The following ULK4 variants were observed in gnomAD, a reference collection of about 807,000 sequenced individuals.
The protein encoded by ULK4 is unc-51 like kinase 4.
In ULK4, 133 loss-of-function variants were observed where a neutral mutation model predicts 160.6. That is an observed-to-expected ratio of 0.83 (90% CI 0.72 to 0.96). The LOEUF is 0.96. Ranked by LOEUF, ULK4 falls within the 40% of genes least tolerant of loss-of-function variation. ULK4 has a pLI of 0.00. For missense variants in ULK4, 1,580 were observed against 1,499.5 expected (o/e 1.05, Z -0.89); for synonymous variants, 534 against 539.8 (o/e 0.99, Z 0.15).
Position 41,477,062 on chromosome 3 carries a change from C to T in ULK4, c.3227-13809G>A, listed in dbSNP as rs1214818705. Reference sequence around the variant, plus strand: ...TTCCCAGTCCTCTGGTCAAATGCTACCACAACAATTTCTTAATATTCCATC... The same window carrying T: ...TTCCCAGTCCTCTGGTCAAATGCTATCACAACAATTTCTTAATATTCCATC... On this transcript the variant is annotated intron_variant, in intron 32 of 36. Transcript: ENST00000301831. Among the ~76,000 whole-genome samples, 4 of 152,284 alleles carry T rather than the reference C, an allele frequency of 2.6e-5. No individual in the cohort carries two copies. In the South Asian group the frequency reaches 6.2e-4, roughly 24 times the overall value.
At chr3:41,755,643 T>C (rs1048754183) in intron 21 of ULK4, among the ~76,000 whole-genome samples, 3 of 152,062 alleles carry the variant, frequency 2.0e-5, no homozygotes, top group Non-Finnish European at 4.4e-5. Context: ...ACCCCCAACA[T>C]ATACACACAT....
chr3:41,419,414 G>A (rs2082607168), intron 34 of ULK4, among the ~76,000 whole-genome samples: 1 of 152,116 alleles, frequency 6.6e-6, no homozygotes, highest in South Asian at 2.1e-4. Context: ...TCTCGTGGAG[G>A]TATTATTTAG....
chr3:41,493,260 C>G (rs1176982118), intron 32 of ULK4, among the ~76,000 whole-genome samples: 3 of 146,524 alleles, frequency 2.0e-5, no homozygotes, highest in South Asian at 2.2e-4. Context: ...AACTAGAACT[C>G]AGGATTAAGA....
chr3:41,782,099 G>A (rs192066465), intron 21 of ULK4, among the ~76,000 whole-genome samples: 2 of 151,108 alleles, frequency 1.3e-5, no homozygotes, highest in East Asian at 1.9e-4. Flanking sequence ...GGGCTGCCTC[G>A]CCATTATTCT....
At chr3:41,927,186 C>A (rs533571313) in intron 5 of ULK4, among the ~76,000 whole-genome samples, 1 of 152,228 alleles carries the variant, frequency 6.6e-6, no homozygotes, top group East Asian at 1.9e-4. Context: ...GAGTGGGGGT[C>A]AATATTCAAC....
chr3:41,389,281 T>C (rs2081896668), intron 35 of ULK4, among the ~76,000 whole-genome samples: 1 of 152,160 alleles, frequency 6.6e-6, no homozygotes, highest in Non-Finnish European at 1.5e-5. Context: ...GCTGAGACGA[T>C]GAGGTTTTCT....
chr3:41,688,758 C>T (rs2036184610), intron 27 of ULK4, among the ~76,000 whole-genome samples: 1 of 152,186 alleles, frequency 6.6e-6, no homozygotes, highest in South Asian at 2.1e-4. Flanking sequence ...GGTTTATTTA[C>T]TTTCCCATGA....
At chr3:41,282,638 C>T (rs958368698) in intron 35 of ULK4, among the ~76,000 whole-genome samples, 5 of 152,142 alleles carry the variant, frequency 3.3e-5, no homozygotes, top group African/African-American at 1.2e-4. Context: ...ACACCTTATA[C>T]AAAAATTAAC....
chr3:41,902,073 AAGAG>A (rs979274324), intron 12 of ULK4, among the ~76,000 whole-genome samples: 3 of 152,316 alleles, frequency 2.0e-5, no homozygotes, highest in Non-Finnish European at 1.5e-5. Flanking sequence ...GGAAAAAAAA[AAGAG>A]AGAGAGAATT....
chr3:41,413,188 A>G (rs1225423174), intron 34 of ULK4, among the ~76,000 whole-genome samples: 1 of 152,140 alleles, frequency 6.6e-6, no homozygotes, highest in East Asian at 1.9e-4. Context: ...GAGACTTACT[A>G]CCAGGGGAAC....
chr3:41,369,812 C>T (rs879426909), intron 35 of ULK4, among the ~76,000 whole-genome samples: 7 of 144,372 alleles, frequency 4.8e-5, no homozygotes, highest in African/African-American at 7.8e-5. Flanking sequence ...AAAAAAAAAT[C>T]TCATTTTGGA....
intron 23 of ULK4, 132 bp downstream of exon 23, chr3:41,717,596 A>G: frequency 3.5e-6 from 4 of 1,131,700 alleles, no homozygotes; most frequent in Non-Finnish European, 4.9e-6. Flanking sequence ...TTGAAACTAC[A>G]TATTCGTTAA....
intron 31 of ULK4, among the ~76,000 whole-genome samples, chr3:41,613,972 T>C (rs1308201183): frequency 1.3e-5 from 2 of 152,222 alleles, no homozygotes; most frequent in Non-Finnish European, 2.9e-5. Context: ...TATACCACAA[T>C]GACAAGGGTT....
intron 31 of ULK4, among the ~76,000 whole-genome samples, chr3:41,576,434 C>T (rs1204663341): frequency 6.6e-6 from 1 of 152,120 alleles, no homozygotes; most frequent in Non-Finnish European, 1.5e-5. Flanking sequence ...AATAGTGTCC[C>T]CTGTGCCTAT....
At chr3:41,541,281 G>C (rs1293498535) in intron 32 of ULK4, among the ~76,000 whole-genome samples, 1 of 152,160 alleles carries the variant, frequency 6.6e-6, no homozygotes, top group Non-Finnish European at 1.5e-5. Flanking sequence ...TTATTAAGTA[G>C]GGAATCCTTT....
At chr3:41,939,457 G>C (rs1338877227) in intron 2 of ULK4, among the ~76,000 whole-genome samples, 1 of 151,740 alleles carries the variant, frequency 6.6e-6, no homozygotes, top group Non-Finnish European at 1.5e-5. Context: ...ACTGTGCCTG[G>C]TCAAGCAATG....
chr3:41,670,630 C>T (rs540717380), intron 29 of ULK4, among the ~76,000 whole-genome samples: 34 of 151,852 alleles, frequency 2.2e-4, no homozygotes, highest in African/African-American at 7.7e-4. Flanking sequence ...CATATATATA[C>T]ATACACACAC....
In ULK4 at chr3:41,492,519, C is replaced by T. The variant is rs533078828; in HGVS notation, c.3227-29266G>A. ...TGAGACTAGGAAGAAACTGCATCAA[C>T]TAACAAGCAAAATAACCAGCTAACA... On this transcript the variant is annotated intron_variant, in intron 32 of 36. Transcript: ENST00000301831. 1.1e-4 allele frequency among the ~76,000 whole-genome samples: 16 copies of T among 148,952 alleles called. No homozygotes were observed. In the East Asian group the frequency reaches 2.5e-3, roughly 23 times the overall value.
intron 31 of ULK4, among the ~76,000 whole-genome samples, chr3:41,594,076 G>A (rs2031535324): frequency 6.6e-6 from 1 of 151,812 alleles, no homozygotes; most frequent in African/African-American, 2.4e-5. Flanking sequence ...GGAGGGAAAG[G>A]GAAAGGAAGG....
Sources: gnomAD v4.1 joint callset for allele counts (sites outside exome capture counted in the v4.1 genomes callset) on GRCh38, gnomAD v4.1.1 for gene constraint, MANE v1.5 for transcripts, NCBI Gene and HGNC (gene_info 2026-07-23, HGNC 2026-07-21) for gene names.